Variants in NCAPG2 observed in about 807,000 individuals in gnomAD.
The protein encoded by NCAPG2 is condensin-2 complex subunit G2.
In NCAPG2, 53 loss-of-function variants were observed where a neutral mutation model predicts 141.1. That is an observed-to-expected ratio of 0.38 (90% CI 0.30 to 0.47). The LOEUF (loss-of-function observed/expected upper bound fraction) is 0.47, where lower values mean the gene tolerates loss of function less well. NCAPG2 is among the 20% of genes least tolerant of loss of function. The probability of loss-of-function intolerance (pLI) is 0.99; values close to 1 mark genes in which losing one functional copy is unlikely to be tolerated. For missense variants in NCAPG2, 1,087 were observed against 1,389.0 expected (o/e 0.78, Z 3.46); for synonymous variants, 499 against 490.7 (o/e 1.02, Z -0.22).
rs763660999 is a variant in NCAPG2, at chr7:158,658,349, G to T, written c.2049C>A (p.Val683=). 1.2e-6 allele frequency: 2 copies of T among 1,611,312 alleles called. No individual in the cohort carries two copies. The highest frequency in any genetic ancestry group is 1.1e-5 in the South Asian group (1 of 90,622). Residue 683 remains valine (V), a synonymous_variant, in exon 17 of 28, where the codon GTC becomes GTA. Transcript: ENST00000356309. The part of the protein sequence containing the change: ...MLMSFMPASA[V]PPFSCGVIST... ...AACAGAGCAAATACCTGAATGGGGG[G>T]ACAGCAGAGGCCGGCATAAAGGACA...
At chr7:158,645,364 T>C (rs1414790161) in intron 26 of NCAPG2, among the ~76,000 whole-genome samples, 155 bp downstream of exon 26, 1 of 152,116 alleles carries the variant, frequency 6.6e-6, no homozygotes, top group Non-Finnish European at 1.5e-5. Flanking sequence ...GACAGCACTG[T>C]GTCCAGCACA....
At chr7:158,692,519 A>G (rs1835186927) in intron 4 of NCAPG2, among the ~76,000 whole-genome samples, 1 of 152,184 alleles carries the variant, frequency 6.6e-6, no homozygotes, top group Non-Finnish European at 1.5e-5. Context: ...AGACGGGTGG[A>G]TCACCTGAGG....
At chr7:158,642,656 T>C (rs974904310) in intron 27 of NCAPG2, among the ~76,000 whole-genome samples, 2 of 152,110 alleles carry the variant, frequency 1.3e-5, no homozygotes, top group African/African-American at 4.8e-5. Flanking sequence ...TGAAAGTACA[T>C]ATTAGAAAAG....
At chr7:158,691,637 G>T (rs1835124267) in intron 4 of NCAPG2, among the ~76,000 whole-genome samples, 1 of 152,126 alleles carries the variant, frequency 6.6e-6, no homozygotes, top group African/African-American at 2.4e-5. Context: ...TACATCTTTT[G>T]TAACTAAAAT....
At chr7:158,683,518 C>G in intron 8 of NCAPG2, 132 bp from the exon 9 acceptor site, 2 of 484,690 alleles carry the variant, frequency 4.1e-6, no homozygotes, top group Non-Finnish European at 6.9e-6. Context: ...AAACCTGGAC[C>G]CTTTTGTCCA....
chr7:158,664,880 T>C (rs1305510591), intron 13 of NCAPG2, 130 bp from the exon 14 acceptor site: 2 of 689,842 alleles, frequency 2.9e-6, no homozygotes, highest in East Asian at 2.8e-5. Context: ...TCACTTCGAA[T>C]GACTACACCA....
intron 15 of NCAPG2, among the ~76,000 whole-genome samples, chr7:158,663,544 G>A (rs1035682625): frequency 4.6e-5 from 7 of 152,252 alleles, no homozygotes; most frequent in Non-Finnish European, 1.0e-4. Flanking sequence ...TGCTAGGAAG[G>A]ACACAGTGGG....
intron 4 of NCAPG2, among the ~76,000 whole-genome samples, 179 bp downstream of exon 4, chr7:158,692,663 C>T (rs887061652): frequency 1.3e-5 from 2 of 152,208 alleles, no homozygotes; most frequent in Non-Finnish European, 2.9e-5. Flanking sequence ...ATCGCTTGAA[C>T]CCGGGAGGCG....
At chr7:158,635,384 G>A (rs1830117533) in intron 27 of NCAPG2, among the ~76,000 whole-genome samples, 1 of 152,126 alleles carries the variant, frequency 6.6e-6, no homozygotes, top group African/African-American at 2.4e-5. Context: ...TTTAATGTTG[G>A]CACCTACATT....
At chr7:158,663,971 T>C (rs1338263756) in intron 15 of NCAPG2, among the ~76,000 whole-genome samples, 1 of 152,238 alleles carries the variant, frequency 6.6e-6, no homozygotes. Context: ...TAAGAATTTT[T>C]CTTCTGTATT....
chr7:158,669,123 G>C lies in NCAPG2; in HGVS notation c.1479+2391C>G, dbSNP rs180993695. 2.2e-3 allele frequency among the ~76,000 whole-genome samples: 329 copies of C among 152,268 alleles called. 3 individuals carry two copies. Among genetic ancestry groups the C allele is most frequent in the African/African-American group, 7.6e-3 (317 of 41,550 alleles). On this transcript the variant is annotated intron_variant, in intron 13 of 27. Transcript: ENST00000356309. ...TCTCGTTCCTTTTTATGGCGGCATA[G>C]TATTCCATAGTATATATGTACCACA...
At chr7:158,671,186 G>T (rs1222135756) in intron 13 of NCAPG2, among the ~76,000 whole-genome samples, 2 of 135,826 alleles carry the variant, frequency 1.5e-5, no homozygotes, top group East Asian at 4.7e-4. Context: ...GGGGTGGGGG[G>T]TGGCTCATAC....
intron 22 of NCAPG2, among the ~76,000 whole-genome samples, chr7:158,653,962 G>A (rs115350487): frequency 0.013 from 1,945 of 152,212 alleles, 43 homozygotes; most frequent in African/African-American, 0.044. Flanking sequence ...GGAGCTAGGG[G>A]CTAGGGGCTA....
chr7:158,671,761 T>C, intron 12 of NCAPG2, 95 bp from the exon 13 acceptor site: 1 of 1,360,532 alleles, frequency 7.4e-7, no homozygotes, highest in Non-Finnish European at 1.0e-6. Context: ...TTCGGTTCCA[T>C]CTTTATTAGA....
At chr7:158,657,798 T>C (rs1587135595) in intron 17 of NCAPG2, among the ~76,000 whole-genome samples, 1 of 152,282 alleles carries the variant, frequency 6.6e-6, no homozygotes, top group African/African-American at 2.4e-5. Flanking sequence ...TTTCATTTTG[T>C]CCTGTACTAA....
Position 158,645,516 on chromosome 7 carries a change from A to G in NCAPG2, c.3280+3T>C, listed in dbSNP as rs746318760. The G allele has an allele frequency of 6.2e-7, 1 of 1,613,782 alleles. No homozygotes were observed. On this transcript the variant is annotated splice_donor_region_variant and intron_variant, in intron 26 of 27. Transcript: ENST00000356309. Reference sequence around the variant, plus strand: ...CCAGATGACAGAGGGGAATGTAACCAACCTGCATTAATAACCAGGATAATA... The same window carrying G: ...CCAGATGACAGAGGGGAATGTAACCGACCTGCATTAATAACCAGGATAATA...
At chr7:158,659,193 G>A (rs1832274231) in intron 16 of NCAPG2, among the ~76,000 whole-genome samples, 2 of 151,802 alleles carry the variant, frequency 1.3e-5, no homozygotes, top group African/African-American at 2.4e-5. Context: ...GCCAGGCATG[G>A]TGGCTCACGC....
intron 23 of NCAPG2, 44 bp from the exon 24 acceptor site, chr7:158,651,016 G>A: frequency 1.3e-6 from 2 of 1,518,800 alleles, no homozygotes; most frequent in African/African-American, 1.4e-5. Flanking sequence ...TAAAAACCAT[G>A]GTTTTGAAAA....
At chr7:158,658,204 A>T in intron 17 of NCAPG2, 134 bp downstream of exon 17, 1 of 614,650 alleles carries the variant, frequency 1.6e-6, no homozygotes. Flanking sequence ...CCACAGGGAG[A>T]GGGAAGGGCA....
Sources: allele counts gnomAD v4.1 joint callset (sites outside exome capture counted in the v4.1 genomes callset), GRCh38; gene constraint gnomAD v4.1.1; transcripts MANE v1.5; gene names NCBI Gene and HGNC (gene_info 2026-07-23, HGNC 2026-07-21).